CDH1: variants seen among roughly 807,000 people sequenced by gnomAD.
CDH1 encodes the protein cadherin-1.
Under a neutral mutation model 84.5 loss-of-function variants are expected in CDH1, and 35 were observed. That is an observed-to-expected ratio of 0.41 (90% CI 0.32 to 0.55). The LOEUF (loss-of-function observed/expected upper bound fraction) is 0.55. Ranked by LOEUF, CDH1 falls within the 20% of genes least tolerant of loss-of-function variation. The pLI, the probability that CDH1 is intolerant of heterozygous loss-of-function variation, is 0.19. For synonymous variants in CDH1, 417 were observed against 439.0 expected (o/e 0.95, Z 0.63); for missense variants, 994 against 1,126.6 (o/e 0.88, Z 1.68).
chr16:68,797,404 T>C (rs1035245345), intron 2 of CDH1, among the ~76,000 whole-genome samples: 4 of 151,752 alleles, frequency 2.6e-5, no homozygotes, highest in African/African-American at 9.7e-5. Flanking sequence ...AAAATGAGGC[T>C]GGGCTCAGTC....
At chr16:68,753,628 C>A (rs112781459) in intron 2 of CDH1, among the ~76,000 whole-genome samples, 1 of 152,096 alleles carries the variant, frequency 6.6e-6, no homozygotes, top group South Asian at 2.1e-4. Flanking sequence ...TGAGCCACCG[C>A]GCCCGGCACA....
At chr16:68,832,252 A>G (rs1179553120) in intron 15 of CDH1, among the ~76,000 whole-genome samples, 1 of 152,082 alleles carries the variant, frequency 6.6e-6, no homozygotes, top group Non-Finnish European at 1.5e-5. Context: ...TGTTACCTAT[A>G]TAACAAACCT....
At chr16:68,787,083 G>C (rs1198134721) in intron 2 of CDH1, among the ~76,000 whole-genome samples, 1 of 152,176 alleles carries the variant, frequency 6.6e-6, no homozygotes, top group African/African-American at 2.4e-5. Context: ...GCACATTTTG[G>C]TGTCAGCCAG....
At chr16:68,804,469 A>G (rs1440569537) in intron 3 of CDH1, among the ~76,000 whole-genome samples, 1 of 152,108 alleles carries the variant, frequency 6.6e-6, no homozygotes, top group Non-Finnish European at 1.5e-5. Flanking sequence ...CTTGAGAAAC[A>G]CTGGCCAAAA....
chr16:68,737,868 TA>T (rs1238907983), intron 1 of CDH1, among the ~76,000 whole-genome samples: 2 of 151,780 alleles, frequency 1.3e-5, no homozygotes. Context: ...TCCGTAGAAA[TA>T]AAGGCACCTG....
At chr16:68,767,263 C>G (rs62057847) in intron 2 of CDH1, among the ~76,000 whole-genome samples, 145 of 151,886 alleles carry the variant, frequency 9.5e-4, no homozygotes, top group Non-Finnish European at 1.7e-3. Context: ...GGCATGATCT[C>G]AACTCACTGC....
chr16:68,771,863 G>A (rs1177111243), intron 2 of CDH1, among the ~76,000 whole-genome samples: 2 of 152,040 alleles, frequency 1.3e-5, no homozygotes, highest in African/African-American at 2.4e-5. Flanking sequence ...TTACAGGCGC[G>A]AGCCACCGTG....
At chr16:68,802,470 TTC>T (rs988972205) in intron 3 of CDH1, among the ~76,000 whole-genome samples, 14 of 151,838 alleles carry the variant, frequency 9.2e-5, no homozygotes, top group Non-Finnish European at 2.1e-4. Flanking sequence ...AGCTGGATTC[TTC>T]TCTCTCTCTC....
intron 2 of CDH1, among the ~76,000 whole-genome samples, chr16:68,741,701 C>T (rs749912523): frequency 5.9e-5 from 9 of 151,506 alleles, no homozygotes; most frequent in African/African-American, 1.7e-4. Flanking sequence ...TGTTTTGAGA[C>T]GGAGTTTTGC....
intron 2 of CDH1, among the ~76,000 whole-genome samples, chr16:68,771,360 C>T (rs756402709): frequency 1.7e-4 from 26 of 152,126 alleles, no homozygotes; most frequent in Admixed American, 1.3e-3. Context: ...GATCACAGCT[C>T]GCTGTAGTCT....
At chr16:68,796,419 T>C (rs895079121) in intron 2 of CDH1, among the ~76,000 whole-genome samples, 1 of 152,146 alleles carries the variant, frequency 6.6e-6, no homozygotes, top group Non-Finnish European at 1.5e-5. Flanking sequence ...ATAGAAGCTT[T>C]TGAGACTGTC....
intron 13 of CDH1, among the ~76,000 whole-genome samples, chr16:68,826,231 G>A (rs1961319871): frequency 6.6e-6 from 1 of 152,144 alleles, no homozygotes; most frequent in South Asian, 2.1e-4. Context: ...GGATTCCCAT[G>A]TAGAGCAACA....
At position 68,811,775 on chromosome 16, in the gene CDH1, T is replaced by C. The variant is rs1555515629; in HGVS notation, c.924T>C (p.Asp308=). The change falls in exon 7 of 16, where the codon GAT becomes GAC. Residue 308 remains aspartate, a synonymous_variant. Coordinates refer to ENST00000261769, the MANE Select transcript of CDH1 (RefSeq NM_004360.5). ...AAIAYTILSQ[D]PELPDKNMFT... ...TCGCTTACACCATCCTCAGCCAAGA[T>C]CCTGAGCTCCCTGACAAAAATATGT... The C allele has an allele frequency of 6.2e-7, 1 of 1,614,062 alleles. No individual in the cohort carries two copies. Among genetic ancestry groups the C allele is most frequent in the Non-Finnish European group, 8.5e-7 (1 of 1,179,998 alleles).
intron 9 of CDH1, 61 bp from the exon 10 acceptor site, chr16:68,815,454 T>G: frequency 6.2e-7 from 1 of 1,608,756 alleles, no homozygotes; most frequent in Non-Finnish European, 8.5e-7. Flanking sequence ...GGATTTAATT[T>G]TATTTTTACT....
rs1960857296 is a variant in CDH1 at position 68,812,198 on chromosome 16, A to G, written c.1072A>G (p.Thr358Ala). Reference protein sequence around the residue: ...ADLQGEGLSTTATAVITVTDT... With the variant: ...ADLQGEGLSTAATAVITVTDT... ...CCTTCAAGGTGAGGGGTTAAGCACA[A>G]CAGCAACAGCTGTGATCACAGTCAC... Residue 358 changes from threonine to alanine, a missense_variant, in exon 8 of 16, where the codon ACA becomes GCA. Physicochemically the swap from Thr to Ala is moderately conservative, Grantham distance 58. Around this residue, in one of 3 missense-constraint regions of CDH1, gnomAD observed 769 missense variants for 881.8 expected, o/e 0.87. Coordinates refer to ENST00000261769, the MANE Select transcript of CDH1 (RefSeq NM_004360.5). The G allele has an allele frequency of 6.2e-7, 1 of 1,614,192 alleles. No homozygotes were observed. The highest frequency in any genetic ancestry group is 1.3e-5 in the African/African-American group (1 of 75,066).
Position 68,743,731 on chromosome 16 carries a change from G to T in CDH1, c.163+5320G>T, listed in dbSNP as rs1962649722. 2.0e-5 allele frequency among the ~76,000 whole-genome samples: 3 copies of T among 152,296 alleles called. No homozygotes were observed. In the South Asian group the frequency reaches 6.2e-4, roughly 32 times the overall value. ...GAGGGCACAAGGCTTTCAAAAAGGAGAATGAAATCATTCAGCAGTGGCTGT... is the reference window on the plus strand; with the variant it reads ...GAGGGCACAAGGCTTTCAAAAAGGATAATGAAATCATTCAGCAGTGGCTGT... On this transcript the variant is annotated intron_variant, in intron 2 of 15. Coordinates refer to ENST00000261769, the MANE Select transcript of CDH1 (RefSeq NM_004360.5).
intron 15 of CDH1, among the ~76,000 whole-genome samples, 156 bp downstream of exon 15, chr16:68,829,953 C>CTTTTTTT (rs67262350): frequency 4.9e-5 from 5 of 102,214 alleles, no homozygotes; most frequent in African/African-American, 2.0e-4. Flanking sequence ...CTTTTTTTTT[C>CTTTTTTT]TTTTTCTTTT....
At chr16:68,831,244 T>C (rs1381400099) in intron 15 of CDH1, among the ~76,000 whole-genome samples, 3 of 133,978 alleles carry the variant, frequency 2.2e-5, no homozygotes, top group Non-Finnish European at 4.7e-5. Flanking sequence ...AAGCCTGGCT[T>C]TTTTTTTTTT....
intron 2 of CDH1, among the ~76,000 whole-genome samples, chr16:68,798,513 G>C (rs187674337): frequency 1.3e-5 from 2 of 152,250 alleles, no homozygotes; most frequent in Admixed American, 1.3e-4. Context: ...GGGGCTCCTC[G>C]TCATACTGTC....
Sources: allele counts gnomAD v4.1 joint callset (sites outside exome capture counted in the v4.1 genomes callset), GRCh38; gene constraint gnomAD v4.1.1; regional missense constraint gnomAD v4.1.1; transcripts MANE v1.5; gene names NCBI Gene and HGNC (gene_info 2026-07-23, HGNC 2026-07-21).